The following PCDH9 variants were observed in gnomAD, a reference collection of about 807,000 sequenced individuals.
PCDH9 encodes protocadherin-9.
In PCDH9, 24 loss-of-function variants were observed where a neutral mutation model predicts 70.6. The ratio of observed to expected loss-of-function variants is 0.34; its 90% CI spans 0.25 to 0.48. PCDH9 has a LOEUF of 0.48. PCDH9 is among the 20% of genes least tolerant of loss of function. The pLI, the probability that PCDH9 is intolerant of heterozygous loss-of-function variation, is 0.99. For synonymous variants in PCDH9, 562 were observed against 558.5 expected, an observed-to-expected ratio of 1.01 and a Z score of -0.09; for missense variants, 1,281 against 1,503.6, an observed-to-expected ratio of 0.85 and a Z score of 2.45.
chr13:66,856,859 A>C (rs2081403512), intron 3 of PCDH9, among the ~76,000 whole-genome samples: 1 of 152,038 alleles, frequency 6.6e-6, no homozygotes, highest in Admixed American at 6.6e-5. Context: ...CATATACCCT[A>C]ATAACCAGGT....
intron 4 of PCDH9, among the ~76,000 whole-genome samples, chr13:66,468,794 G>A (rs911210563): frequency 3.7e-4 from 57 of 152,176 alleles, no homozygotes; most frequent in African/African-American, 1.3e-3. Flanking sequence ...GAACAAAGCT[G>A]TGAGTATATC....
At chr13:66,993,043 A>G (rs2084035977) in intron 2 of PCDH9, among the ~76,000 whole-genome samples, 1 of 152,168 alleles carries the variant, frequency 6.6e-6, no homozygotes, top group Admixed American at 6.5e-5. Context: ...TTTCCCATGA[A>G]ATGAACTCTA....
In PCDH9 at chr13:66,775,809, C is replaced by T. The variant is rs916834317; in HGVS notation, c.3138+127695G>A. 4.6e-5 allele frequency among the ~76,000 whole-genome samples: 7 copies of T among 152,278 alleles called. No individual in the cohort carries two copies. The East Asian group carries it at 9.7e-4, about 21-fold the overall frequency. ...GAGTCAAAAGTTATGCATGACTTCTCAACTGTGTGCAATGTTGACACCCCT... is the reference window on the plus strand; with the variant it reads ...GAGTCAAAAGTTATGCATGACTTCTTAACTGTGTGCAATGTTGACACCCCT... On this transcript the variant is annotated intron_variant, in intron 3 of 4. Transcript: ENST00000377865.
At chr13:66,790,428 T>A (rs1441360937) in intron 3 of PCDH9, among the ~76,000 whole-genome samples, 1 of 152,062 alleles carries the variant, frequency 6.6e-6, no homozygotes, top group East Asian at 1.9e-4. Flanking sequence ...AGGTTCTAAT[T>A]TTTTGTAGTT....
At chr13:66,342,935 C>T (rs562100773) in intron 4 of PCDH9, among the ~76,000 whole-genome samples, 8 of 151,998 alleles carry the variant, frequency 5.3e-5, no homozygotes, top group African/African-American at 1.7e-4. Context: ...CGTAAGCCAC[C>T]GTGCTCAGCC....
At chr13:66,967,892 C>T (rs1172181775) in intron 2 of PCDH9, among the ~76,000 whole-genome samples, 1 of 151,704 alleles carries the variant, frequency 6.6e-6, no homozygotes, top group African/African-American at 2.4e-5. Flanking sequence ...TTTTTGAAGC[C>T]CTGGTACCTG....
intron 2 of PCDH9, among the ~76,000 whole-genome samples, chr13:67,074,160 G>C (rs1193679587): frequency 6.6e-6 from 1 of 151,802 alleles, no homozygotes; most frequent in African/African-American, 2.4e-5. Context: ...GACTGAATGT[G>C]TTCTCTCAAA....
intron 2 of PCDH9, among the ~76,000 whole-genome samples, chr13:66,953,273 C>T (rs1226249210): frequency 1.3e-5 from 2 of 152,124 alleles, no homozygotes; most frequent in African/African-American, 2.4e-5. Flanking sequence ...CCTAAAAATG[C>T]TAACATTGAA....
chr13:66,744,284 C>CCGA (rs1269599427), intron 3 of PCDH9, among the ~76,000 whole-genome samples: 1 of 151,910 alleles, frequency 6.6e-6, no homozygotes, highest in African/African-American at 2.4e-5. Flanking sequence ...TTAAATAAGC[C>CCGA]CGACAGAACC....
At chr13:66,548,792 A>G (rs762514647) in intron 4 of PCDH9, among the ~76,000 whole-genome samples, 12 of 152,074 alleles carry the variant, frequency 7.9e-5, no homozygotes, top group Non-Finnish European at 1.3e-4. Flanking sequence ...AATAATGCTT[A>G]TGTTTACTTT....
At chr13:67,131,479 TC>T in intron 2 of PCDH9, among the ~76,000 whole-genome samples, 1 of 152,290 alleles carries the variant, frequency 6.6e-6, no homozygotes. Flanking sequence ...ATATAGAAAA[TC>T]TCCTAATTTT....
Position 66,490,480 on chromosome 13 carries a change from G to T in PCDH9, c.3340+140730C>A, listed in dbSNP as rs142725732. Among the ~76,000 whole-genome samples, 712 of 152,284 alleles carry T rather than the reference G, an allele frequency of 4.7e-3. 30 individuals carry two copies. The East Asian group carries it at 0.092, about 20-fold the overall frequency. The stretch of plus-strand genomic sequence containing the variant: ...CAGATAACTAAAGTGGAAAGAATAG[G>T]AGAGGATTTTTTAAGGGTGTAGTTC... On this transcript the variant is annotated intron_variant, in intron 4 of 4. Coordinates refer to ENST00000377865, the MANE Select transcript of PCDH9 (RefSeq NM_203487.3).
Position 66,396,903 on chromosome 13 carries a change from G to T in PCDH9, c.3341-91875C>A, listed in dbSNP as rs146594372. Among the ~76,000 whole-genome samples, 27 of 152,172 alleles carry T rather than the reference G, an allele frequency of 1.8e-4. No individual in the cohort carries two copies. In the East Asian group the frequency reaches 4.8e-3, roughly 27 times the overall value. On this transcript the variant is annotated intron_variant, in intron 4 of 4. Transcript: ENST00000377865. Reference sequence around the variant, plus strand: ...CATAAGACAAGTGGATCTTTCATTTGTCTTACATTAAAACCAAAATCATTT... The same window carrying T: ...CATAAGACAAGTGGATCTTTCATTTTTCTTACATTAAAACCAAAATCATTT...
intron 2 of PCDH9, among the ~76,000 whole-genome samples, chr13:67,052,422 G>C (rs1594445005): frequency 6.6e-6 from 1 of 152,056 alleles, no homozygotes; most frequent in Non-Finnish European, 1.5e-5. Flanking sequence ...GGTCTGCAGG[G>C]GTCAGCTCTC....
intron 4 of PCDH9, among the ~76,000 whole-genome samples, chr13:66,345,237 T>G (rs1188482650): frequency 6.6e-6 from 1 of 152,230 alleles, no homozygotes; most frequent in Admixed American, 6.5e-5. Flanking sequence ...ATTTTTTGAC[T>G]GCTTTATTTC....
chr13:66,719,825 A>C (rs902551366), intron 3 of PCDH9, among the ~76,000 whole-genome samples: 1 of 152,216 alleles, frequency 6.6e-6, no homozygotes, highest in Admixed American at 6.5e-5. Context: ...CTTGAAAATA[A>C]ATCCAAGTCA....
At chr13:66,909,754 A>G (rs1047412137) in intron 2 of PCDH9, among the ~76,000 whole-genome samples, 4 of 152,206 alleles carry the variant, frequency 2.6e-5, no homozygotes, top group African/African-American at 7.2e-5. Flanking sequence ...TCTTCCTCCA[A>G]CTGAACTCTT....
intron 3 of PCDH9, among the ~76,000 whole-genome samples, chr13:66,890,717 A>G (rs911357814): frequency 3.9e-5 from 6 of 152,006 alleles, no homozygotes; most frequent in African/African-American, 1.4e-4. Flanking sequence ...CGACCAATCT[A>G]TCACCTAATA....
intron 3 of PCDH9, chr13:66,879,997 C>G (rs925875977): frequency 6.6e-6 from 1 of 151,798 alleles, no homozygotes; most frequent in African/African-American, 2.4e-5. Context: ...AACACACAAA[C>G]AGAAGGAATA....
Sources: allele counts gnomAD v4.1 joint callset (sites outside exome capture counted in the v4.1 genomes callset), GRCh38; gene constraint gnomAD v4.1.1; transcripts MANE v1.5; gene names NCBI Gene and HGNC (gene_info 2026-07-23, HGNC 2026-07-21).